The following ZNG1A variants were observed in gnomAD, a reference collection of about 807,000 sequenced individuals.
ZNG1A encodes Zn regulated GTPase metalloprotein activator 1A.
At chr9:137,530 T>C in the ZNG1A span, among the ~76,000 whole-genome samples, 4 of 152,178 alleles carry the variant, frequency 2.6e-5, no homozygotes, top group African/African-American at 9.7e-5. Flanking sequence ...AAAGGGATCA[T>C]GGCTAACTAG....
the ZNG1A span, among the ~76,000 whole-genome samples, chr9:161,288 G>A: frequency 5.3e-5 from 8 of 151,686 alleles, no homozygotes; most frequent in Admixed American, 2.0e-4. Context: ...GGTCAACATG[G>A]TAAAATCCTG....
At chr9:157,604 AC>A in the ZNG1A span, among the ~76,000 whole-genome samples, 6 of 147,486 alleles carry the variant, frequency 4.1e-5, no homozygotes, top group African/African-American at 1.3e-4. Flanking sequence ...TAAATCTAAC[AC>A]CCTCATCATC....
At chr9:161,207 G>T in the ZNG1A span, among the ~76,000 whole-genome samples, 1 of 152,076 alleles carries the variant, frequency 6.6e-6, no homozygotes, top group Non-Finnish European at 1.5e-5. Context: ...GGTGGCTCAT[G>T]CCTGTAATCC....
the ZNG1A span, among the ~76,000 whole-genome samples, chr9:131,522 TATA>T: frequency 6.8e-6 from 1 of 147,960 alleles, no homozygotes; most frequent in South Asian, 2.1e-4. Context: ...TCTTTGCCTG[TATA>T]ATATCTATAC....
the ZNG1A span, among the ~76,000 whole-genome samples, chr9:145,738 A>T: frequency 1.3e-5 from 2 of 148,982 alleles, no homozygotes; most frequent in African/African-American, 5.2e-5. Flanking sequence ...AAGAAAAAAT[A>T]AAAAATAAAA....
chr9:155,414 C>T, the ZNG1A span, among the ~76,000 whole-genome samples: 2 of 151,836 alleles, frequency 1.3e-5, no homozygotes, highest in South Asian at 4.2e-4. Context: ...TAGCAAGACT[C>T]CATTTCTTAA....
At chr9:123,889 T>A in the ZNG1A span, 1 of 157,454 alleles carries the variant, frequency 6.4e-6, no homozygotes, top group African/African-American at 2.4e-5. Context: ...GATAACTATT[T>A]CATTTTATAA....
chr9:162,491 A>C, the ZNG1A span: 5 of 1,556,744 alleles, frequency 3.2e-6, no homozygotes, highest in Admixed American at 8.9e-5. Flanking sequence ...AAAACATTTT[A>C]ATCACTTTTT....
At chr9:122,290 T>C in the ZNG1A span, 54 of 1,430,912 alleles carry the variant, frequency 3.8e-5, no homozygotes, top group South Asian at 7.1e-4. Context: ...AAAAGGTTTC[T>C]GTGTATTGAT....
At chr9:139,353 G>C in the ZNG1A span, among the ~76,000 whole-genome samples, 1 of 149,156 alleles carries the variant, frequency 6.7e-6, no homozygotes, top group African/African-American at 2.5e-5. Flanking sequence ...TGGATGCCAG[G>C]GGCTATGAAG....
chr9:169,161 T>C, the ZNG1A span, among the ~76,000 whole-genome samples: 2 of 152,178 alleles, frequency 1.3e-5, no homozygotes, highest in African/African-American at 4.8e-5. Context: ...CATTTGTGAT[T>C]CATGGGAGAT....
chr9:168,861 G>A, the ZNG1A span, among the ~76,000 whole-genome samples: 1 of 150,858 alleles, frequency 6.6e-6, no homozygotes, highest in Non-Finnish European at 1.5e-5. Flanking sequence ...GAGATCTACT[G>A]CTTAGAAAAG....
chr9:158,069 T>C, the ZNG1A span, among the ~76,000 whole-genome samples: 1 of 144,368 alleles, frequency 6.9e-6, no homozygotes, highest in Non-Finnish European at 1.5e-5. Context: ...GTATCAAAAT[T>C]CATTCCATGC....
the ZNG1A span, among the ~76,000 whole-genome samples, chr9:168,815 T>A: frequency 1.3e-5 from 2 of 150,350 alleles, no homozygotes; most frequent in Non-Finnish European, 2.9e-5. Flanking sequence ...TGACAGCACA[T>A]CTGTTTACAG....
At chr9:154,419 G>T in the ZNG1A span, 1 of 487,562 alleles carries the variant, frequency 2.1e-6, no homozygotes, top group Non-Finnish European at 3.6e-6. Context: ...AGTTAGGGAA[G>T]ACTGACATTA....
At chr9:139,456 A>T in the ZNG1A span, among the ~76,000 whole-genome samples, 3 of 150,620 alleles carry the variant, frequency 2.0e-5, no homozygotes, top group African/African-American at 7.4e-5. Context: ...CCTCATGCCT[A>T]TAGTTAGCAA....
the ZNG1A span, among the ~76,000 whole-genome samples, chr9:123,915 G>A: frequency 1.6e-4 from 24 of 151,634 alleles, no homozygotes; most frequent in African/African-American, 2.2e-4. Context: ...GGAAAATAAG[G>A]GTCAAAAAAA....
chr9:144,620 C>G, the ZNG1A span, among the ~76,000 whole-genome samples: 2,601 of 151,836 alleles, frequency 0.017, 30 homozygotes, highest in African/African-American at 0.059. Flanking sequence ...CATTACCATT[C>G]AGGACATAGG....
chr9:176,453 C>G, the ZNG1A span, among the ~76,000 whole-genome samples: 1 of 148,866 alleles, frequency 6.7e-6, no homozygotes, highest in Non-Finnish European at 1.5e-5. Flanking sequence ...TATTACAGTG[C>G]TGCTAAAAAC....
Sources: gnomAD v4.1 joint callset for allele counts (sites outside exome capture counted in the v4.1 genomes callset) on GRCh38, gnomAD v4.1.1 for gene constraint, MANE v1.5 for transcripts, NCBI Gene and HGNC (gene_info 2026-07-23, HGNC 2026-07-21) for gene names.